WDR7: variants seen among roughly 807,000 people sequenced by gnomAD.
The protein encoded by WDR7 is WD repeat domain 7.
WDR7 carries 46 observed loss-of-function variants against 169.4 expected under a neutral mutation model. The observed-to-expected ratio is 0.27, with a 90% CI of 0.21 to 0.35. The LOEUF is 0.35. Among genes scored for constraint, WDR7 ranks in the 10% least tolerant of loss-of-function variants. WDR7 has a pLI of 1.00. For missense variants in WDR7, 1,534 were observed against 1,859.3 expected (o/e 0.83, Z 3.22); for synonymous variants, 612 against 666.8 (o/e 0.92, Z 1.27).
chr18:56,714,770 A>G (rs1467836278), intron 12 of WDR7, among the ~76,000 whole-genome samples: 1 of 152,070 alleles, frequency 6.6e-6, no homozygotes, highest in Admixed American at 6.5e-5. Context: ...TCATTATTAC[A>G]CTATGTGAAA....
At chr18:57,002,134 T>C (rs956612355) in intron 26 of WDR7, among the ~76,000 whole-genome samples, 2 of 152,132 alleles carry the variant, frequency 1.3e-5, no homozygotes, top group African/African-American at 4.8e-5. Context: ...AAAGGAAAAA[T>C]TGTTTTGAGC....
At position 56,758,866 on chromosome 18, in the gene WDR7, C is replaced by T. The variant is rs768934236; in HGVS notation, c.2761C>T (p.Pro921Ser). The change falls in exon 16 of 28, where the codon CCA (proline) becomes TCA (serine). Residue 921 changes from proline to serine, a missense_variant and splice_region_variant. By Grantham distance (74) the Pro-to-Ser change is moderately conservative. Coordinates refer to ENST00000254442, the MANE Select transcript of WDR7 (RefSeq NM_015285.3). Reference sequence around the variant, plus strand: ...TGTATTTTTTTCTTCTTTTTTAAGGCCACCTAGACCAAGCACCCCAGACCT... The same window carrying T: ...TGTATTTTTTTCTTCTTTTTTAAGGTCACCTAGACCAAGCACCCCAGACCT... ...GDHMKKGPTR[P>S]PRPSTPDLSK... The T allele has an allele frequency of 1.5e-5, 24 of 1,601,954 alleles. 1 individual carries two copies. The South Asian group carries it at 2.3e-4, about 15-fold the overall frequency.
downstream of WDR7, chr18:57,033,276 G>A (rs1030445064): frequency 6.6e-6 from 1 of 152,026 alleles, no homozygotes; most frequent in Middle Eastern, 3.2e-3. Flanking sequence ...ATTTGGGCTA[G>A]GCCTTAAAAA....
intron 14 of WDR7, among the ~76,000 whole-genome samples, chr18:56,742,475 A>T (rs1472725392): frequency 6.6e-6 from 1 of 152,238 alleles, no homozygotes; most frequent in Non-Finnish European, 1.5e-5. Flanking sequence ...TTATGAGATC[A>T]TATAGAAGTT....
intron 26 of WDR7, among the ~76,000 whole-genome samples, chr18:56,986,371 A>G (rs1346825176): frequency 6.6e-6 from 1 of 152,148 alleles, no homozygotes; most frequent in Non-Finnish European, 1.5e-5. Flanking sequence ...TTATCAAACT[A>G]CCAACACTTT....
chr18:56,935,244 T>A (rs577154195), intron 22 of WDR7, among the ~76,000 whole-genome samples: 1 of 152,270 alleles, frequency 6.6e-6, no homozygotes, highest in Non-Finnish European at 1.5e-5. Context: ...AGTAGATTGG[T>A]TCTAAAAGTA....
chr18:56,730,431 A>G (rs113177182), intron 13 of WDR7, among the ~76,000 whole-genome samples: 2,038 of 152,310 alleles, frequency 0.013, 34 homozygotes, highest in Middle Eastern at 0.071. Context: ...AGAAATGCAT[A>G]GATGGAGATA....
intron 13 of WDR7, among the ~76,000 whole-genome samples, chr18:56,725,294 C>T (rs2026421434): frequency 6.6e-6 from 1 of 150,840 alleles, no homozygotes; most frequent in South Asian, 2.1e-4. Flanking sequence ...TCCTATTTCT[C>T]TACATCCTCT....
At chr18:56,998,610 T>C (rs1167153409) in intron 26 of WDR7, among the ~76,000 whole-genome samples, 1 of 152,202 alleles carries the variant, frequency 6.6e-6, no homozygotes, top group Non-Finnish European at 1.5e-5. Flanking sequence ...GAATATGAGC[T>C]GAAGCTAGAA....
intron 21 of WDR7, among the ~76,000 whole-genome samples, chr18:56,897,535 A>G (rs139117954): frequency 0.014 from 2,125 of 152,082 alleles, 32 homozygotes; most frequent in East Asian, 0.037. Context: ...AACTCAGAAC[A>G]ATGATTACTC....
At chr18:56,899,699 T>C (rs565261977) in intron 21 of WDR7, among the ~76,000 whole-genome samples, 48 of 152,178 alleles carry the variant, frequency 3.2e-4, no homozygotes, top group African/African-American at 1.0e-3. Flanking sequence ...TTTAGTTTTG[T>C]ATTTTATTGT....
At chr18:56,910,959 A>G (rs1193604208) in intron 21 of WDR7, among the ~76,000 whole-genome samples, 1 of 152,094 alleles carries the variant, frequency 6.6e-6, no homozygotes, top group Non-Finnish European at 1.5e-5. Flanking sequence ...ATTTCTTTGG[A>G]AATATATTTG....
Position 57,000,481 on chromosome 18 carries a change from G to T in WDR7, c.4165-20264G>T, listed in dbSNP as rs370760929. Among the ~76,000 whole-genome samples, 10 of 152,094 alleles carry T rather than the reference G, an allele frequency of 6.6e-5. No homozygotes were observed. In the East Asian group the frequency reaches 1.5e-3, roughly 23 times the overall value. On this transcript the variant is annotated intron_variant, in intron 26 of 27. Transcript: ENST00000254442. ...ATTTTAGCTATATGTACCATATTCT[G>T]TAAAAAGATTTATTTTTTCTAATGG...
At chr18:56,746,540 G>T (rs1054100306) in intron 14 of WDR7, among the ~76,000 whole-genome samples, 9 of 152,118 alleles carry the variant, frequency 5.9e-5, no homozygotes, top group Admixed American at 5.2e-4. Context: ...CCCTTCACCT[G>T]GCTAACTCCT....
chr18:56,768,314 A>G (rs935083517), intron 16 of WDR7, among the ~76,000 whole-genome samples: 2 of 152,238 alleles, frequency 1.3e-5, no homozygotes, highest in East Asian at 1.9e-4. Context: ...TGGAAAGCAT[A>G]TATACTTTTC....
chr18:56,889,805 G>A (rs2046241302), intron 21 of WDR7, among the ~76,000 whole-genome samples: 4 of 152,128 alleles, frequency 2.6e-5, no homozygotes, highest in South Asian at 4.1e-4. Context: ...ATCTATTGAA[G>A]CTTTCATTTA....
intron 19 of WDR7, among the ~76,000 whole-genome samples, chr18:56,807,182 C>A (rs1238897194): frequency 1.3e-5 from 2 of 149,720 alleles, no homozygotes; most frequent in Admixed American, 6.7e-5. Flanking sequence ...TGAAGGATTT[C>A]AAAGGTACCT....
intron 12 of WDR7, among the ~76,000 whole-genome samples, chr18:56,717,486 C>T (rs1353069811): frequency 6.6e-6 from 1 of 152,090 alleles, no homozygotes; most frequent in South Asian, 2.1e-4. Context: ...AAGAAATGAT[C>T]GTGGCAGAGG....
intron 20 of WDR7, among the ~76,000 whole-genome samples, chr18:56,828,011 T>G (rs914538116): frequency 2.0e-5 from 3 of 152,222 alleles, no homozygotes; most frequent in African/African-American, 7.2e-5. Flanking sequence ...ACCATCATCC[T>G]TAAGTGATTT....
Sources: gnomAD v4.1 joint callset for allele counts (sites outside exome capture counted in the v4.1 genomes callset) on GRCh38, gnomAD v4.1.1 for gene constraint, MANE v1.5 for transcripts, NCBI Gene and HGNC (gene_info 2026-07-23, HGNC 2026-07-21) for gene names.